The following SBF2 variants were observed in gnomAD, a reference collection of about 807,000 sequenced individuals.
SBF2 encodes myotubularin-related protein 13.
SBF2 carries 112 observed loss-of-function variants against 225.2 expected under a neutral mutation model. That is an observed-to-expected ratio of 0.50 (90% CI 0.43 to 0.58). SBF2 has a LOEUF of 0.58. Among genes scored for constraint, SBF2 ranks in the 20% least tolerant of loss-of-function variants. SBF2 has a pLI of 0.00. For missense variants in SBF2, 1,996 were observed against 2,206.2 expected (o/e 0.90, Z 1.91); for synonymous variants, 763 against 773.3 (o/e 0.99, Z 0.22).
intron 17 of SBF2, among the ~76,000 whole-genome samples, chr11:9,891,407 C>T (rs773029224): frequency 6.6e-6 from 1 of 152,038 alleles, no homozygotes; most frequent in Non-Finnish European, 1.5e-5. Context: ...ATGAGTAGCC[C>T]AATGTTATTA....
intron 13 of SBF2, 76 bp from the exon 14 acceptor site, chr11:9,968,621 T>TTA: frequency 3.4e-6 from 4 of 1,184,634 alleles, no homozygotes; most frequent in Non-Finnish European, 5.1e-6. Flanking sequence ...GAGTGGGAGC[T>TTA]TACAGGGACA....
intron 16 of SBF2, chr11:9,929,413 G>C (rs149279369): frequency 1.9e-4 from 40 of 207,378 alleles, no homozygotes; most frequent in African/African-American, 8.5e-4. Context: ...TCAGGGGTAG[G>C]ACCAAGAAGC....
In SBF2 at chr11:9,955,735, A is replaced by C. The variant is rs191810075; in HGVS notation, c.1860+6222T>G. On this transcript the variant is annotated intron_variant, in intron 16 of 39. Transcript: ENST00000256190. ...ATATACATAAGCTATAAGGTTATGAAGAATGATACAATGAACACCCATGTA... is the reference window on the plus strand; with the variant it reads ...ATATACATAAGCTATAAGGTTATGACGAATGATACAATGAACACCCATGTA... Among the ~76,000 whole-genome samples the C allele has an allele frequency of 4.1e-3, 628 of 152,242 alleles. 1 individual carries two copies. The highest frequency in any genetic ancestry group is 0.014 in the African/African-American group (576 of 41,598).
chr11:10,188,609 A>G (rs1460896840), intron 2 of SBF2, among the ~76,000 whole-genome samples: 1 of 152,240 alleles, frequency 6.6e-6, no homozygotes, highest in African/African-American at 2.4e-5. Context: ...CACTAGTTCT[A>G]GTACAGGATA....
At chr11:9,976,051 ATTCTTCTTC>A (rs750486578) in intron 13 of SBF2, among the ~76,000 whole-genome samples, 4 of 141,616 alleles carry the variant, frequency 2.8e-5, no homozygotes, top group East Asian at 4.0e-4. Flanking sequence ...TAAATCTCAT[ATTCTTCTTC>A]TTCTTCTTCT....
At position 10,294,174 on chromosome 11, in the gene SBF2, G is replaced by T. The variant is rs1417787281; in HGVS notation, c.-105C>A. 2.4e-6 allele frequency: 2 copies of T among 836,768 alleles called. No individual in the cohort carries two copies. Among genetic ancestry groups the T allele is most frequent in the Non-Finnish European group, 3.2e-6 (2 of 623,352 alleles). The allele number at this position is 836,768 out of a possible 1,614,324, so 51.8% of individuals were successfully genotyped here. ...GCATTTTCCCTGCAGCGGCAGTAGC[G>T]GCAGCGGCAGCGCTTCAGCCATGTT... On this transcript the variant is annotated 5_prime_UTR_variant, in exon 1 of 40. Transcript: ENST00000256190.
chr11:9,925,698 A>T lies in SBF2; in HGVS notation c.1861-29687T>A, dbSNP rs943287857. ...TTCACCTAGTCGAATCTAGTTCCAC[A>T]TGTGTCACATAAAGATTTTGGACTA... is the stretch of plus-strand genomic sequence containing the variant. On this transcript the variant is annotated intron_variant, in intron 16 of 39. Coordinates refer to ENST00000256190, the MANE Select transcript of SBF2 (RefSeq NM_030962.4). Among the ~76,000 whole-genome samples the T allele has an allele frequency of 3.3e-5, 5 of 152,354 alleles. No homozygotes were observed. In the South Asian group the frequency reaches 1.0e-3, roughly 32 times the overall value.
chr11:10,255,819 A>T (rs774750092), intron 1 of SBF2, among the ~76,000 whole-genome samples: 5 of 152,224 alleles, frequency 3.3e-5, no homozygotes, highest in Non-Finnish European at 7.3e-5. Flanking sequence ...ATACATAGCT[A>T]ATGAATGGCA....
chr11:10,153,422 A>C lies in SBF2; in HGVS notation c.141+40480T>G, dbSNP rs188381739. Among the ~76,000 whole-genome samples the C allele has an allele frequency of 3.7e-4, 56 of 152,318 alleles. 1 individual carries two copies. In the East Asian group the frequency reaches 0.01, roughly 28 times the overall value. On this transcript the variant is annotated intron_variant, in intron 2 of 39. Transcript: ENST00000256190. ...TCACAATATTAGGAACACAATTCTA[A>C]ATAACTCACGGGTCAAGAATAATTC... is the stretch of plus-strand genomic sequence containing the variant.
intron 15 of SBF2, among the ~76,000 whole-genome samples, chr11:9,963,540 T>C (rs900173191): frequency 1.3e-5 from 2 of 152,220 alleles, no homozygotes; most frequent in Admixed American, 6.5e-5. Context: ...GAACAATGTT[T>C]AAAAGTTTGA....
At chr11:10,113,454 AAAT>A (rs1213413148) in intron 2 of SBF2, among the ~76,000 whole-genome samples, 1 of 152,210 alleles carries the variant, frequency 6.6e-6, no homozygotes, top group Non-Finnish European at 1.5e-5. Context: ...ATGATAGTTC[AAAT>A]AATGAGAGCA....
intron 6 of SBF2, among the ~76,000 whole-genome samples, chr11:10,019,658 GA>G (rs554132773): frequency 1.6e-3 from 231 of 142,028 alleles, no homozygotes; most frequent in Middle Eastern, 0.014. Flanking sequence ...GTCAAACATT[GA>G]AAAAAAAAAG....
At chr11:10,264,619 T>TACA (rs758013530) in intron 1 of SBF2, among the ~76,000 whole-genome samples, 68 of 152,316 alleles carry the variant, frequency 4.5e-4, no homozygotes, top group Non-Finnish European at 8.8e-4. Context: ...AGTTCTGAGG[T>TACA]ACATGTGCAG....
chr11:10,003,811 ATGAAAT>A (rs1356247993), intron 6 of SBF2, among the ~76,000 whole-genome samples: 1 of 152,078 alleles, frequency 6.6e-6, no homozygotes, highest in Non-Finnish European at 1.5e-5. Context: ...ATACATACTT[ATGAAAT>A]TGAAGTTATA....
intron 6 of SBF2, among the ~76,000 whole-genome samples, chr11:10,027,404 G>A (rs555305059): frequency 2.0e-5 from 3 of 152,266 alleles, no homozygotes; most frequent in Non-Finnish European, 4.4e-5. Context: ...GAAGTATATG[G>A]ATAGGGACAC....
At chr11:9,859,861 G>A (rs1564925117) in intron 17 of SBF2, among the ~76,000 whole-genome samples, 2 of 152,200 alleles carry the variant, frequency 1.3e-5, no homozygotes, top group Non-Finnish European at 2.9e-5. Context: ...TGTACTACAT[G>A]CCATCTGTAA....
chr11:10,082,842 C>T (rs1186695226), intron 2 of SBF2, among the ~76,000 whole-genome samples: 3 of 152,092 alleles, frequency 2.0e-5, no homozygotes, highest in Admixed American at 6.6e-5. Flanking sequence ...AGGATGCTCG[C>T]TATCACCACT....
chr11:9,847,023 ATCT>A lies in SBF2; in HGVS notation c.2864_2866del (p.Lys955del), dbSNP rs1207623341. On this transcript the variant is annotated inframe_deletion, in exon 23 of 40. Coordinates refer to ENST00000256190, the MANE Select transcript of SBF2 (RefSeq NM_030962.4). ...CTGCTGTAGCTGGTTCTGCATTGTA[ATCT>A]TCTTCTCCTTGGTGATGGAGGCAAT... is the stretch of plus-strand genomic sequence containing the variant. The A allele has an allele frequency of 1.2e-6, 2 of 1,613,796 alleles. No homozygotes were observed. The highest frequency in any genetic ancestry group is 1.1e-5 in the South Asian group (1 of 91,080).
intron 2 of SBF2, among the ~76,000 whole-genome samples, chr11:10,097,746 A>C (rs948034411): frequency 1.3e-5 from 2 of 152,186 alleles, no homozygotes; most frequent in South Asian, 2.1e-4. Context: ...GAACAATTTC[A>C]CTTTAGCTAT....
Sources: allele counts gnomAD v4.1 joint callset (sites outside exome capture counted in the v4.1 genomes callset), GRCh38; gene constraint gnomAD v4.1.1; transcripts MANE v1.5; gene names NCBI Gene and HGNC (gene_info 2026-07-23, HGNC 2026-07-21).